PI4KA: variants seen among roughly 807,000 people sequenced by gnomAD.
PI4KA encodes the protein PI4-kinase alpha.
In PI4KA, 122 loss-of-function variants were observed where a neutral mutation model predicts 271.4. The ratio of observed to expected loss-of-function variants is 0.45; its 90% confidence interval spans 0.39 to 0.52. PI4KA has a LOEUF of 0.52. PI4KA is among the 20% of genes least tolerant of loss of function. The probability of loss-of-function intolerance (pLI) is 0.00; values close to 1 mark genes in which losing one functional copy is unlikely to be tolerated. For missense variants in PI4KA, 1,969 were observed against 2,769.1 expected (o/e 0.71, Z 6.48); for synonymous variants, 1,041 against 1,078.8 (o/e 0.96, Z 0.69).
chr22:20,707,957 T>C lies in PI4KA; in HGVS notation c.*90A>G. ...GGCCACAGGCCTCTCCTCCACTGCA[T>C]GTGGCGGCAGGGCAGGGAGGTCGCA... On this transcript the variant is annotated 3_prime_UTR_variant, in exon 55 of 55. Transcript: ENST00000255882. 2 of 1,134,102 alleles carry C rather than the reference T, an allele frequency of 1.8e-6. No homozygotes were observed. The highest frequency in any genetic ancestry group is 2.7e-6 in the Non-Finnish European group (2 of 742,932). The allele number at this position is 1,134,102 out of a possible 1,614,324, so 70.3% of individuals were successfully genotyped here. A position where few individuals can be genotyped will look rare whatever the true frequency, so the allele number is the denominator to read the frequency against.
chr22:20,790,650 G>A (rs1934567154), intron 19 of PI4KA, among the ~76,000 whole-genome samples: 1 of 150,880 alleles, frequency 6.6e-6, no homozygotes, highest in Admixed American at 6.6e-5. Context: ...GACAGAGTGA[G>A]ACTCTGTCTC....
intron 6 of PI4KA, among the ~76,000 whole-genome samples, chr22:20,819,293 T>C (rs930190954): frequency 1.3e-5 from 2 of 151,246 alleles, no homozygotes; most frequent in Non-Finnish European, 1.5e-5. Flanking sequence ...TTTTCATGTT[T>C]TAAAGGAGTG....
intron 22 of PI4KA, among the ~76,000 whole-genome samples, chr22:20,762,876 G>C (rs1240288008): frequency 1.3e-5 from 2 of 152,140 alleles, no homozygotes; most frequent in Non-Finnish European, 2.9e-5. Flanking sequence ...TTTTGCCCAG[G>C]CTAGAGTGCA....
In PI4KA at chr22:20,707,852, T is replaced by C. The variant is rs1058568; in HGVS notation, c.*195A>G. 1.6e-4 allele frequency: 110 copies of C among 685,654 alleles called. No homozygotes were observed. Among genetic ancestry groups the C allele is most frequent in the African/African-American group, 1.0e-3 (57 of 56,518 alleles). The allele number at this position is 685,654 out of a possible 1,614,324, so 42.5% of individuals were successfully genotyped here. A position where few individuals can be genotyped will look rare whatever the true frequency, so the allele number is the denominator to read the frequency against. On this transcript the variant is annotated 3_prime_UTR_variant, in exon 55 of 55. Coordinates refer to ENST00000255882, the MANE Select transcript of PI4KA (RefSeq NM_058004.4). ...ACCTGTGCATAGACAGCACCATCCA[T>C]TGATTGTCGCTGCAGTCCATGGCGT...
intron 3 of PI4KA, among the ~76,000 whole-genome samples, chr22:20,830,568 G>A (rs923473647): frequency 6.6e-6 from 1 of 152,136 alleles, no homozygotes; most frequent in African/African-American, 2.4e-5. Flanking sequence ...CTTAAAGACA[G>A]CATACCATTG....
chr22:20,761,108 T>C (rs1872222918), intron 23 of PI4KA, among the ~76,000 whole-genome samples, 196 bp downstream of exon 23: 1 of 152,264 alleles, frequency 6.6e-6, no homozygotes, highest in African/African-American at 2.4e-5. Context: ...ACCATCCTTC[T>C]GTTCGGGGCC....
chr22:20,815,505 T>C (rs766666527), intron 7 of PI4KA, among the ~76,000 whole-genome samples: 2 of 152,156 alleles, frequency 1.3e-5, no homozygotes, highest in African/African-American at 2.4e-5. Context: ...CTAAATTTTA[T>C]GACTTTTTCA....
At chr22:20,841,565 T>A (rs1024016327) in intron 1 of PI4KA, among the ~76,000 whole-genome samples, 1 of 152,092 alleles carries the variant, frequency 6.6e-6, no homozygotes, top group African/African-American at 2.4e-5. Flanking sequence ...AAAGAACAAC[T>A]CAGAGATCCA....
At chr22:20,766,237 G>A (rs952234896) in intron 19 of PI4KA, among the ~76,000 whole-genome samples, 7 of 152,196 alleles carry the variant, frequency 4.6e-5, no homozygotes, top group African/African-American at 1.7e-4. Context: ...TTTCCAAACA[G>A]TAATCTTCGG....
chr22:20,721,116 A>G (rs1351848678), intron 43 of PI4KA, among the ~76,000 whole-genome samples, 182 bp downstream of exon 43: 1 of 152,160 alleles, frequency 6.6e-6, no homozygotes, highest in Non-Finnish European at 1.5e-5. Flanking sequence ...CAAAGGTGTC[A>G]TGAAGGAGGG....
intron 19 of PI4KA, among the ~76,000 whole-genome samples, chr22:20,783,172 T>C (rs936166265): frequency 2.0e-5 from 3 of 152,184 alleles, no homozygotes; most frequent in South Asian, 2.1e-4. Flanking sequence ...AGAGCTAACA[T>C]AGACATGGGC....
At chr22:20,746,212 G>A (rs770681996) in intron 29 of PI4KA, among the ~76,000 whole-genome samples, 3 of 151,692 alleles carry the variant, frequency 2.0e-5, no homozygotes, top group African/African-American at 4.8e-5. Flanking sequence ...ACAGGCGCCT[G>A]CCACCATGCC....
chr22:20,799,933 G>A lies in PI4KA; in HGVS notation c.1725-167C>T, dbSNP rs138369492. Among the ~76,000 whole-genome samples, 957 of 152,274 alleles carry A rather than the reference G, an allele frequency of 6.3e-3. 9 individuals carry two copies. The highest frequency in any genetic ancestry group is 0.021 in the African/African-American group (875 of 41,558). ...AGAATGAATTCAAAGAATTACTCCA[G>A]ATTTTGCCCACTTGATAAATGTCTC... On this transcript the variant is annotated intron_variant, in intron 14 of 54. Coordinates refer to ENST00000255882, the MANE Select transcript of PI4KA (RefSeq NM_058004.4).
intron 32 of PI4KA, among the ~76,000 whole-genome samples, chr22:20,737,073 GC>G (rs1453286763): frequency 6.6e-6 from 1 of 152,228 alleles, no homozygotes; most frequent in African/African-American, 2.4e-5. Context: ...AGTTCACCAT[GC>G]AGGCTGTGGG....
At chr22:20,850,043 A>T (rs991529027) in intron 1 of PI4KA, among the ~76,000 whole-genome samples, 2 of 152,194 alleles carry the variant, frequency 1.3e-5, no homozygotes, top group Admixed American at 1.3e-4. Context: ...CCTAAAATTG[A>T]TCATGGTGAT....
At position 20,791,413 on chromosome 22, in the gene PI4KA, T is replaced by C. The variant is rs964402613; in HGVS notation, c.2328+1780A>G. 4.3e-4 allele frequency among the ~76,000 whole-genome samples: 66 copies of C among 152,130 alleles called. 2 individuals are homozygous for C. The highest frequency in any genetic ancestry group is 2.2e-3 in the Admixed American group (33 of 15,256). On this transcript the variant is annotated intron_variant, in intron 19 of 54. Transcript: ENST00000255882. ...CAACAGCACTTTAAACACACAAGCA[T>C]ACACTACTCAACATTAGCTACACAG...
intron 28 of PI4KA, among the ~76,000 whole-genome samples, chr22:20,748,042 T>C (rs1930301690): frequency 6.6e-6 from 1 of 152,212 alleles, no homozygotes; most frequent in African/African-American, 2.4e-5. Flanking sequence ...GGCCTTGCTA[T>C]TTCATTTAAA....
In PI4KA at chr22:20,720,835, T is replaced by C. The variant is rs142910300; in HGVS notation, c.5116+463A>G. ...ACATGTAATGAATGGGCTTACATTT[T>C]CTGAAATTCTGTCTTAATCTCTAAT... On this transcript the variant is annotated intron_variant, in intron 43 of 54. Coordinates refer to ENST00000255882, the MANE Select transcript of PI4KA (RefSeq NM_058004.4). Among the ~76,000 whole-genome samples, 40 of 152,362 alleles carry C rather than the reference T, an allele frequency of 2.6e-4. No homozygotes were observed. In the East Asian group the frequency reaches 7.3e-3, roughly 28 times the overall value.
chr22:20,787,017 C>T, intron 19 of PI4KA: 2 of 1,614,200 alleles, frequency 1.2e-6, no homozygotes, highest in Non-Finnish European at 1.7e-6. Context: ...GAGCATCGCA[C>T]CAGCTGCCTG....
Sources: allele counts gnomAD v4.1 joint callset (sites outside exome capture counted in the v4.1 genomes callset), GRCh38; gene constraint gnomAD v4.1.1; transcripts MANE v1.5; gene names NCBI Gene and HGNC (gene_info 2026-07-23, HGNC 2026-07-21).